The following HESX1 variants were observed in gnomAD, a reference collection of about 807,000 sequenced individuals.
HESX1 encodes homeobox expressed in ES cells 1.
A neutral mutation model predicts 22.5 loss-of-function variants in HESX1; 11 were observed. The observed-to-expected ratio is 0.49, with a 90% CI of 0.31 to 0.81. The LOEUF is 0.81. Ranked by LOEUF, HESX1 falls within the 30% of genes least tolerant of loss-of-function variation. The probability of loss-of-function intolerance (pLI) is 0.05; values close to 1 mark genes in which losing one functional copy is unlikely to be tolerated. For missense variants in HESX1, 201 were observed against 212.6 expected (o/e 0.95, Z 0.34); for synonymous variants, 74 against 76.5 (o/e 0.97, Z 0.17).
intron 1 of HESX1, among the ~76,000 whole-genome samples, chr3:57,209,509 G>A (rs1043503710): frequency 6.6e-6 from 1 of 151,474 alleles, no homozygotes; most frequent in African/African-American, 2.4e-5. Flanking sequence ...GGTGTGGTGG[G>A]GCTTGTAGTA....
At chr3:57,200,041 C>T (rs1023279130), upstream of HESX1, 9 of 812,160 alleles carry the variant, frequency 1.1e-5, no homozygotes, top group Admixed American at 2.0e-5. Context: ...GGATTTAGAA[C>T]GTCACTAATT....
intron 1 of HESX1, among the ~76,000 whole-genome samples, chr3:57,224,311 AT>A (rs200198237): frequency 6.6e-6 from 1 of 151,430 alleles, no homozygotes; most frequent in African/African-American, 2.4e-5. Flanking sequence ...ATTTAATTTA[AT>A]TTTTTTTTGT....
upstream of HESX1, among the ~76,000 whole-genome samples, chr3:57,202,978 G>C (rs1323928155): frequency 1.3e-5 from 2 of 152,194 alleles, no homozygotes; most frequent in African/African-American, 4.8e-5. Context: ...GCAGTAGTTG[G>C]AGTGAAGTCA....
upstream of HESX1, among the ~76,000 whole-genome samples, chr3:57,201,485 G>A (rs769670851): frequency 4.6e-5 from 7 of 151,582 alleles, no homozygotes; most frequent in Non-Finnish European, 1.0e-4. Context: ...TCCACAATTG[G>A]TTGAGCACCT....
In HESX1 at chr3:57,198,221, A is replaced by T. The variant is rs1559496520; in HGVS notation, c.534T>A (p.Asn178Lys). ...RESQFLMAKK[N>K]FNTNLLE is the part of the protein sequence containing the mutation. Reference sequence around the variant, plus strand: ...TCTATTCCAGCAGATTTGTGTTGAAATTTTTTTTCGCCATTAGAAACTGTG... The same window carrying T: ...TCTATTCCAGCAGATTTGTGTTGAATTTTTTTTTCGCCATTAGAAACTGTG... Residue 178 changes from asparagine to lysine, a missense_variant, in exon 4 of 4, where the codon AAT becomes AAA. Transcript: ENST00000295934. 1.6e-5 allele frequency: 25 copies of T among 1,610,546 alleles called. No individual in the cohort carries two copies. The highest frequency in any genetic ancestry group is 2.0e-5 in the Non-Finnish European group (24 of 1,177,270).
chr3:57,209,498 G>T (rs537948705), intron 1 of HESX1, among the ~76,000 whole-genome samples: 1 of 151,944 alleles, frequency 6.6e-6, no homozygotes, highest in Admixed American at 6.6e-5. Flanking sequence ...AAAATTAGCT[G>T]GGTGTGGTGG....
At chr3:57,208,779 G>A (rs942585373) in intron 1 of HESX1, among the ~76,000 whole-genome samples, 21 of 151,296 alleles carry the variant, frequency 1.4e-4, no homozygotes, top group Admixed American at 1.3e-3. Flanking sequence ...TGGCCAACAC[G>A]GTGAAGCCCA....
At chr3:57,200,066 G>C, upstream of HESX1, 1 of 705,054 alleles carries the variant, frequency 1.4e-6, no homozygotes, top group Non-Finnish European at 2.5e-6. Flanking sequence ...TCCTGTCTTA[G>C]AAAGTTTTAG....
At chr3:57,207,497 T>A (rs1425706639) in intron 1 of HESX1, among the ~76,000 whole-genome samples, 1 of 152,214 alleles carries the variant, frequency 6.6e-6, no homozygotes, top group African/African-American at 2.4e-5. Context: ...AGAAGAGGAC[T>A]TGGAGCCCTG....
chr3:57,211,128 G>A (rs1288572356), intron 1 of HESX1, among the ~76,000 whole-genome samples: 5 of 150,088 alleles, frequency 3.3e-5, no homozygotes, highest in African/African-American at 9.8e-5. Context: ...TGAGGCAGGC[G>A]AATCGCTTGA....
intron 1 of HESX1, among the ~76,000 whole-genome samples, chr3:57,213,971 C>T (rs993838072): frequency 1.5e-4 from 23 of 152,126 alleles, no homozygotes; most frequent in African/African-American, 4.8e-4. Flanking sequence ...TTGTTAAACT[C>T]CAACATATTA....
chr3:57,209,837 CACAAAATATCT>C (rs1469214618), intron 1 of HESX1, among the ~76,000 whole-genome samples: 1 of 152,048 alleles, frequency 6.6e-6, no homozygotes, highest in Non-Finnish European at 1.5e-5. Flanking sequence ...TGAATACAAA[CACAAAATATCT>C]ACAGAGCTTT....
At chr3:57,204,582 G>T (rs1231841577), upstream of HESX1, among the ~76,000 whole-genome samples, 1 of 152,176 alleles carries the variant, frequency 6.6e-6, no homozygotes. Flanking sequence ...CAGTGCTAGA[G>T]TGCTAAGTTT....
chr3:57,226,575 TTTTA>T (rs1367331331), upstream of HESX1: 8 of 152,212 alleles, frequency 5.3e-5, no homozygotes, highest in East Asian at 1.2e-3. Flanking sequence ...AAAAATATAA[TTTTA>T]TTTTTCTTTC....
chr3:57,211,570 C>T (rs182362751), intron 1 of HESX1, among the ~76,000 whole-genome samples: 57 of 134,990 alleles, frequency 4.2e-4, no homozygotes, highest in East Asian at 8.1e-4. Flanking sequence ...TGGTGGCTCA[C>T]GCCTGTAATC....
upstream of HESX1, among the ~76,000 whole-genome samples, chr3:57,227,500 G>A (rs2060654911): frequency 6.6e-6 from 1 of 152,258 alleles, no homozygotes; most frequent in African/African-American, 2.4e-5. Context: ...GCGCCGGCAA[G>A]CTGAGGAAGA....
chr3:57,199,704 C>G, intron 1 of HESX1, 58 bp downstream of exon 1: 1 of 1,502,402 alleles, frequency 6.7e-7, no homozygotes, highest in Non-Finnish European at 9.3e-7. Flanking sequence ...AAATAAAGGG[C>G]AAATTAAACA....
At position 57,199,794 on chromosome 3, in the gene HESX1, T is replaced by C; in HGVS notation, c.125A>G (p.His42Arg). 1 of 1,614,102 alleles carries C rather than the reference T, an allele frequency of 6.2e-7. No homozygotes were observed. Among genetic ancestry groups the C allele is most frequent in the Non-Finnish European group, 8.5e-7 (1 of 1,179,996 alleles). The change falls in exon 1 of 4, where the codon CAC becomes CGC. Residue 42 changes from histidine to arginine, a missense_variant. Physicochemically the swap from His to Arg is conservative, Grantham distance 29. Transcript: ENST00000295934. ...GCTGCAGGTGTCTGCCCAGGGCCTG[T>C]GGGGTTTCATTAATGGAACACAGTC... ...KKDCVPLMKPHRPWADTCSSS... is the reference protein window; with the variant it reads ...KKDCVPLMKPRRPWADTCSSS...
intron 1 of HESX1, among the ~76,000 whole-genome samples, chr3:57,211,538 A>AAAAAAAAAAAAAAG (rs2060553942): frequency 6.9e-6 from 1 of 145,634 alleles, no homozygotes; most frequent in African/African-American, 2.5e-5. Context: ...AAAAAAAAAA[A>AAAAAAAAAAAAAAG]AAAAAAAAAA....
Sources: allele counts gnomAD v4.1 joint callset (sites outside exome capture counted in the v4.1 genomes callset), GRCh38; gene constraint gnomAD v4.1.1; transcripts MANE v1.5; gene names NCBI Gene and HGNC (gene_info 2026-07-23, HGNC 2026-07-21).